Variants in OPCML observed in about 807,000 individuals in gnomAD.
The protein encoded by OPCML is opioid binding protein/cell adhesion molecule like.
In OPCML, 13 loss-of-function variants were observed where a neutral mutation model predicts 37.8. That is an observed-to-expected ratio of 0.34 (90% CI 0.22 to 0.55). The LOEUF (loss-of-function observed/expected upper bound fraction) is 0.55. OPCML is among the 20% of genes least tolerant of loss of function. The pLI is 0.91. For synonymous variants in OPCML, 176 were observed against 168.8 expected (o/e 1.04, Z -0.33); for missense variants, 341 against 435.6 (o/e 0.78, Z 1.93).
Position 133,038,211 on chromosome 11 carries a change from C to A in OPCML, c.62-95201G>T, listed in dbSNP as rs144917943. On this transcript the variant is annotated intron_variant, in intron 1 of 7. Transcript: ENST00000524381. ...GGGCGCTGGCCCTGTCTGTCCCTTC[C>A]CACACCCAGCCATGCCATGTGGGCC... is the stretch of plus-strand genomic sequence containing the variant. 3.2e-3 allele frequency among the ~76,000 whole-genome samples: 495 copies of A among 152,330 alleles called. 2 individuals carry two copies. Among genetic ancestry groups the A allele is most frequent in the African/African-American group, 0.011 (474 of 41,586 alleles).
intron 4 of OPCML, among the ~76,000 whole-genome samples, chr11:132,512,685 T>C (rs2096271430): frequency 6.6e-6 from 1 of 151,964 alleles, no homozygotes; most frequent in South Asian, 2.1e-4. Context: ...GTTTTAAATA[T>C]ATATTTGTGT....
intron 2 of OPCML, among the ~76,000 whole-genome samples, chr11:132,779,184 C>T (rs906952745): frequency 5.9e-5 from 9 of 151,980 alleles, no homozygotes; most frequent in African/African-American, 2.2e-4. Context: ...GCCAGGCTGG[C>T]CTCGAACTCC....
chr11:133,007,369 G>A, intron 1 of OPCML: 2 of 985,462 alleles, frequency 2.0e-6, no homozygotes, highest in Non-Finnish European at 2.4e-6. Flanking sequence ...GATTAGCTCA[G>A]CCACAGAGCA....
At chr11:133,172,780 G>T (rs962033438) in intron 1 of OPCML, among the ~76,000 whole-genome samples, 3 of 152,120 alleles carry the variant, frequency 2.0e-5, no homozygotes, top group Non-Finnish European at 4.4e-5. Flanking sequence ...TAAAACACAG[G>T]AGAAAGAGCT....
At chr11:132,756,191 G>A (rs544598969) in intron 2 of OPCML, among the ~76,000 whole-genome samples, 8 of 152,236 alleles carry the variant, frequency 5.3e-5, no homozygotes, top group Admixed American at 2.0e-4. Flanking sequence ...TTATGTATAC[G>A]CCTACAAGAG....
chr11:133,448,545 C>T (rs1946516699), intron 1 of OPCML, among the ~76,000 whole-genome samples: 1 of 152,184 alleles, frequency 6.6e-6, no homozygotes, highest in South Asian at 2.1e-4. Flanking sequence ...GCAACCTCCA[C>T]CTCCCGGGTT....
intron 1 of OPCML, among the ~76,000 whole-genome samples, chr11:133,260,961 T>C (rs977536456): frequency 2.0e-5 from 3 of 152,222 alleles, no homozygotes; most frequent in Non-Finnish European, 4.4e-5. Flanking sequence ...GGAACACTAA[T>C]TTTTTGTTCT....
intron 1 of OPCML, among the ~76,000 whole-genome samples, chr11:133,160,045 C>A (rs1950120152): frequency 6.6e-6 from 1 of 152,214 alleles, no homozygotes; most frequent in South Asian, 2.1e-4. Flanking sequence ...CACATAATGT[C>A]TTTTATACAA....
chr11:133,310,333 TG>T (rs1565564149), intron 1 of OPCML, among the ~76,000 whole-genome samples: 1 of 152,170 alleles, frequency 6.6e-6, no homozygotes, highest in African/African-American at 2.4e-5. Flanking sequence ...GGGGATTATA[TG>T]GAAGTTTCAG....
intron 4 of OPCML, among the ~76,000 whole-genome samples, chr11:132,464,266 G>T (rs2096112599): frequency 6.6e-6 from 1 of 151,740 alleles, no homozygotes; most frequent in South Asian, 2.1e-4. Context: ...GTCGCAGACT[G>T]CCACATGGAA....
At chr11:132,835,710 C>G (rs944674353) in intron 2 of OPCML, among the ~76,000 whole-genome samples, 2 of 152,212 alleles carry the variant, frequency 1.3e-5, no homozygotes, top group Non-Finnish European at 2.9e-5. Flanking sequence ...CTTTCACCAC[C>G]TTGCTTTTGA....
At chr11:133,386,077 G>A (rs1945042207) in intron 1 of OPCML, among the ~76,000 whole-genome samples, 1 of 152,176 alleles carries the variant, frequency 6.6e-6, no homozygotes, top group Admixed American at 6.5e-5. Context: ...GTGTGTTAAT[G>A]AGCTGAAGTG....
intron 2 of OPCML, among the ~76,000 whole-genome samples, chr11:132,659,231 G>A (rs1003628019): frequency 6.6e-6 from 1 of 152,106 alleles, no homozygotes; most frequent in African/African-American, 2.4e-5. Context: ...AGACCTAATG[G>A]ATCTTAAACG....
chr11:133,485,422 C>G (rs890458223), intron 1 of OPCML, among the ~76,000 whole-genome samples: 1 of 152,198 alleles, frequency 6.6e-6, no homozygotes, highest in Non-Finnish European at 1.5e-5. Context: ...GATGAACTAA[C>G]TCTTGCTGCT....
At chr11:133,275,906 T>C (rs1941979698) in intron 1 of OPCML, among the ~76,000 whole-genome samples, 1 of 152,234 alleles carries the variant, frequency 6.6e-6, no homozygotes, top group Non-Finnish European at 1.5e-5. Flanking sequence ...TATTTTATGC[T>C]GTCTCCTCCT....
intron 1 of OPCML, among the ~76,000 whole-genome samples, chr11:133,401,794 T>C (rs1945410750): frequency 6.6e-6 from 1 of 152,192 alleles, no homozygotes; most frequent in African/African-American, 2.4e-5. Context: ...CATTCTCTTT[T>C]AGACTTGTTC....
intron 1 of OPCML, among the ~76,000 whole-genome samples, chr11:133,354,320 G>GGTGGTA (rs1944230595): frequency 1.4e-4 from 1 of 6,914 alleles, no homozygotes; most frequent in Admixed American, 1.9e-3. Flanking sequence ...TGGTAGTGGT[G>GGTGGTA]GTGGTGGTGA....
chr11:132,475,272 T>C (rs2096151510), intron 4 of OPCML, among the ~76,000 whole-genome samples: 1 of 152,168 alleles, frequency 6.6e-6, no homozygotes, highest in South Asian at 2.1e-4. Flanking sequence ...CTTAAGTGAG[T>C]CAGTGAGTGT....
intron 1 of OPCML, among the ~76,000 whole-genome samples, chr11:133,448,386 A>G (rs1305659372): frequency 6.6e-6 from 1 of 152,190 alleles, no homozygotes; most frequent in Non-Finnish European, 1.5e-5. Flanking sequence ...ATTCAATTCT[A>G]TTCCATGAGC....
Sources: allele counts gnomAD v4.1 joint callset (sites outside exome capture counted in the v4.1 genomes callset), GRCh38; gene constraint gnomAD v4.1.1; transcripts MANE v1.5; gene names NCBI Gene and HGNC (gene_info 2026-07-23, HGNC 2026-07-21).